The following FRMD4B variants were observed in gnomAD, a reference collection of about 807,000 sequenced individuals.
FRMD4B encodes the protein FERM domain containing 4B, also known as FERM domain-containing protein 4B.
In FRMD4B, 74 loss-of-function variants were observed where a neutral mutation model predicts 141.5. The observed-to-expected ratio is 0.52, with a 90% CI of 0.43 to 0.63. The LOEUF (loss-of-function observed/expected upper bound fraction) is 0.63, where lower values mean the gene tolerates loss of function less well. Among genes scored for constraint, FRMD4B ranks in the 30% least tolerant of loss-of-function variants. The pLI is 0.00. For synonymous variants in FRMD4B, 506 were observed against 467.9 expected (o/e 1.08, Z -1.05); for missense variants, 1,366 against 1,253.4 (o/e 1.09, Z -1.36).
intron 1 of FRMD4B, chr3:69,353,512 AC>A (rs1703222146): frequency 1.1e-6 from 1 of 913,458 alleles, no homozygotes; most frequent in African/African-American, 1.8e-5. Context: ...ACAGTCTGCA[AC>A]TGGAAGATCA....
At chr3:69,298,607 G>T (rs1701109633) in intron 4 of FRMD4B, among the ~76,000 whole-genome samples, 1 of 152,138 alleles carries the variant, frequency 6.6e-6, no homozygotes, top group South Asian at 2.1e-4. Flanking sequence ...CCTTCCAGGG[G>T]CTGGTACACA....
intron 17 of FRMD4B, among the ~76,000 whole-genome samples, chr3:69,193,307 G>C (rs1575596347): frequency 6.6e-6 from 1 of 152,098 alleles, no homozygotes; most frequent in East Asian, 1.9e-4. Flanking sequence ...TCAGGAGTTT[G>C]AGACCAGCCT....
intron 5 of FRMD4B, among the ~76,000 whole-genome samples, chr3:69,263,925 A>G (rs2093544779): frequency 7.0e-6 from 1 of 143,478 alleles, no homozygotes; most frequent in Non-Finnish European, 1.5e-5. Flanking sequence ...TCCTAGGTTC[A>G]AGCAATTCTC....
At chr3:69,417,281 T>G (rs1704884227) in intron 2 of FRMD4B, among the ~76,000 whole-genome samples, 2 of 152,240 alleles carry the variant, frequency 1.3e-5, no homozygotes, top group African/African-American at 4.8e-5. Context: ...GTGGTTTTGA[T>G]TTGCATTTCT....
rs1165501717 is a variant in FRMD4B at position 69,269,720 on chromosome 3, A to T, written c.501+18032T>A. On this transcript the variant is annotated intron_variant, in intron 5 of 22. Transcript: ENST00000398540. ...AGTGCAGTGGCACGATCTCGGCTCA[A>T]GCGATTCTCGTGCCTCAGCCTCCCA... Among the ~76,000 whole-genome samples the T allele has an allele frequency of 2.0e-5, 3 of 147,758 alleles. No homozygotes were observed. The East Asian group carries it at 6.3e-4, about 31-fold the overall frequency.
At position 69,189,561 on chromosome 3, in the gene FRMD4B, A is replaced by T. The variant is rs111641583; in HGVS notation, c.1771+335T>A. Reference sequence around the variant, plus strand: ...GTGAAGGAATCTTTGTATTAATTATACAACTCTCCGTAAATCTATGATTAC... The same window carrying T: ...GTGAAGGAATCTTTGTATTAATTATTCAACTCTCCGTAAATCTATGATTAC... On this transcript the variant is annotated intron_variant, in intron 18 of 22. Coordinates refer to ENST00000398540, the MANE Select transcript of FRMD4B (RefSeq NM_015123.3). Among the ~76,000 whole-genome samples the T allele has an allele frequency of 2.2e-3, 335 of 152,316 alleles. 2 individuals are homozygous for T. Among genetic ancestry groups the T allele is most frequent in the African/African-American group, 7.6e-3 (317 of 41,566 alleles).
intron 1 of FRMD4B, among the ~76,000 whole-genome samples, chr3:69,480,280 G>A (rs9861734): frequency 0.019 from 2,966 of 152,200 alleles, 69 homozygotes; most frequent in African/African-American, 0.066. Flanking sequence ...GAGGAGAGGC[G>A]CTCTGCTTTT....
At chr3:69,404,991 T>G (rs1240652600) in intron 2 of FRMD4B, among the ~76,000 whole-genome samples, 1 of 152,156 alleles carries the variant, frequency 6.6e-6, no homozygotes, top group Non-Finnish European at 1.5e-5. Context: ...AAATGTGAGG[T>G]GCCAACTATA....
chr3:69,175,494 G>A (rs1303565680), intron 22 of FRMD4B, among the ~76,000 whole-genome samples: 1 of 152,186 alleles, frequency 6.6e-6, no homozygotes, highest in Non-Finnish European at 1.5e-5. Context: ...GGCTGTGTCT[G>A]TTGCTTCATA....
intron 3 of FRMD4B, among the ~76,000 whole-genome samples, chr3:69,309,876 A>G (rs1356425697): frequency 6.6e-6 from 1 of 152,184 alleles, no homozygotes; most frequent in African/African-American, 2.4e-5. Context: ...TTGTATATTT[A>G]TGGCTTTATG....
chr3:69,416,672 G>C (rs1704869936), intron 2 of FRMD4B, among the ~76,000 whole-genome samples: 3 of 152,072 alleles, frequency 2.0e-5, no homozygotes, highest in South Asian at 2.1e-4. Flanking sequence ...GCATGTATTA[G>C]GTGTTTCTCC....
At chr3:69,231,351 C>T (rs1178795654) in intron 7 of FRMD4B, among the ~76,000 whole-genome samples, 2 of 152,082 alleles carry the variant, frequency 1.3e-5, no homozygotes, top group Admixed American at 1.3e-4. Flanking sequence ...GCAGTGGCAC[C>T]ATCTTGGCTA....
At chr3:69,411,367 T>G (rs1481870021) in intron 2 of FRMD4B, among the ~76,000 whole-genome samples, 1 of 152,146 alleles carries the variant, frequency 6.6e-6, no homozygotes, top group Non-Finnish European at 1.5e-5. Flanking sequence ...AAAAATACAA[T>G]TAACCACCCA....
At chr3:69,370,937 C>T (rs1225680440) in intron 1 of FRMD4B, among the ~76,000 whole-genome samples, 1 of 152,178 alleles carries the variant, frequency 6.6e-6, no homozygotes, top group African/African-American at 2.4e-5. Flanking sequence ...TTTTTGGTTC[C>T]AGGTGCTGTT....
chr3:69,171,546 C>A lies in FRMD4B; in HGVS notation c.*315G>T. Reference sequence around the variant, plus strand: ...TCATGTTTTTGAGGTTTGCCTTTAACAACTTTTACTCCCTTAAAAAGTGCT... The same window carrying A: ...TCATGTTTTTGAGGTTTGCCTTTAAAAACTTTTACTCCCTTAAAAAGTGCT... On this transcript the variant is annotated 3_prime_UTR_variant, in exon 23 of 23. Coordinates refer to ENST00000398540, the MANE Select transcript of FRMD4B (RefSeq NM_015123.3). 1 of 200,550 alleles carries A rather than the reference C, an allele frequency of 5.0e-6. No individual in the cohort carries two copies. The allele number at this position is 200,550 out of a possible 1,614,324, so 12.4% of individuals were successfully genotyped here. A position where few individuals can be genotyped will look rare whatever the true frequency, so the allele number is the denominator to read the frequency against.
intron 11 of FRMD4B, among the ~76,000 whole-genome samples, chr3:69,210,491 G>A (rs775116276): frequency 5.3e-5 from 8 of 151,820 alleles, no homozygotes; most frequent in Non-Finnish European, 1.0e-4. Flanking sequence ...ATTCAGTTGA[G>A]TTCTGGTACG....
At chr3:69,314,954 A>C (rs1480685472) in intron 1 of FRMD4B, among the ~76,000 whole-genome samples, 1 of 152,192 alleles carries the variant, frequency 6.6e-6, no homozygotes, top group Non-Finnish European at 1.5e-5. Flanking sequence ...AGTTGAGGCC[A>C]GGAGTTCAAG....
intron 11 of FRMD4B, among the ~76,000 whole-genome samples, chr3:69,203,625 G>A (rs1274682551): frequency 6.6e-6 from 1 of 152,110 alleles, no homozygotes; most frequent in African/African-American, 2.4e-5. Flanking sequence ...TGTTGTATTT[G>A]GCAAGCTGCT....
chr3:69,466,823 G>A (rs1705796708), intron 1 of FRMD4B, among the ~76,000 whole-genome samples: 1 of 152,112 alleles, frequency 6.6e-6, no homozygotes, highest in Non-Finnish European at 1.5e-5. Flanking sequence ...AGGATCCTGA[G>A]TAGCTGGGAC....
Sources: gnomAD v4.1 joint callset for allele counts (sites outside exome capture counted in the v4.1 genomes callset) on GRCh38, gnomAD v4.1.1 for gene constraint, MANE v1.5 for transcripts, NCBI Gene and HGNC (gene_info 2026-07-23, HGNC 2026-07-21) for gene names.